XRN1: variants seen among roughly 807,000 people sequenced by gnomAD.
XRN1 encodes 5'-3' exoribonuclease 1.
A neutral mutation model predicts 222.3 loss-of-function variants in XRN1; 67 were observed. The observed-to-expected ratio is 0.30, with a 90% CI of 0.25 to 0.37. The LOEUF is 0.37. XRN1 is among the 10% of genes least tolerant of loss of function. The pLI, the probability that XRN1 is intolerant of heterozygous loss-of-function variation, is 1.00. For missense variants in XRN1, 1,707 were observed against 2,000.2 expected, an observed-to-expected ratio of 0.85 and a Z score of 2.80; for synonymous variants, 643 against 652.4, an observed-to-expected ratio of 0.99 and a Z score of 0.22.
intron 23 of XRN1, among the ~76,000 whole-genome samples, chr3:142,379,236 AC>A (rs1372358263): frequency 1.3e-5 from 2 of 152,190 alleles, no homozygotes; most frequent in Admixed American, 1.3e-4. Context: ...GTGCCACTGC[AC>A]TCCAGCCTGG....
chr3:142,320,967 C>T (rs2065337214), intron 37 of XRN1, among the ~76,000 whole-genome samples: 1 of 151,950 alleles, frequency 6.6e-6, no homozygotes, highest in Non-Finnish European at 1.5e-5. Context: ...TAGTTTTAGG[C>T]CTTATCTTAC....
In XRN1 at chr3:142,375,835, A is replaced by G. The variant is rs977856255; in HGVS notation, c.2941T>C (p.Ser981Pro). ...TCTGCCAGAAGTTGTTCTGCTGCAG[A>G]TGAATACATCCATTCACTTCCAACT... ...KKVGSEWMYS[S>P]AAEQLLAEYL... Residue 981 changes from serine (S) to proline (P), a missense_variant, in exon 25 of 41, where the codon TCT becomes CCT. Ser to Pro is a moderately conservative substitution (Grantham distance 74, BLOSUM62 -1). Coordinates refer to ENST00000392981, the MANE Select transcript of XRN1 (RefSeq NM_001282857.2). 1.9e-6 allele frequency: 3 copies of G among 1,613,936 alleles called. No homozygotes were observed. In the Admixed American group the frequency reaches 5.0e-5, roughly 27 times the overall value.
At chr3:142,441,838 C>A (rs1037934391) in intron 1 of XRN1, among the ~76,000 whole-genome samples, 12 of 152,182 alleles carry the variant, frequency 7.9e-5, no homozygotes, top group African/African-American at 2.9e-4. Context: ...AAACCTAAGC[C>A]GCTCGAGGGG....
chr3:142,371,483 G>T (rs1460167844), intron 25 of XRN1, among the ~76,000 whole-genome samples, 155 bp from the exon 26 acceptor site: 7 of 152,184 alleles, frequency 4.6e-5, no homozygotes, highest in Non-Finnish European at 5.9e-5. Flanking sequence ...GATAGAAAGT[G>T]TAAGACTGGT....
intron 36 of XRN1, among the ~76,000 whole-genome samples, chr3:142,330,501 G>A (rs184469425): frequency 1.3e-5 from 2 of 151,632 alleles, no homozygotes; most frequent in Non-Finnish European, 2.9e-5. Context: ...TAAAAAAGCA[G>A]TTAAGTGGCT....
At chr3:142,362,427 C>T (rs1312621381) in intron 29 of XRN1, among the ~76,000 whole-genome samples, 15 of 151,948 alleles carry the variant, frequency 9.9e-5, no homozygotes, top group Non-Finnish European at 1.5e-4. Flanking sequence ...TGAGCTACTG[C>T]GCCCGTCTCT....
At chr3:142,319,374 C>T (rs1429654964) in intron 37 of XRN1, among the ~76,000 whole-genome samples, 1 of 152,108 alleles carries the variant, frequency 6.6e-6, no homozygotes. Context: ...CCATCCTTTA[C>T]TTAGGAGATA....
intron 33 of XRN1, among the ~76,000 whole-genome samples, chr3:142,345,746 T>C (rs1283027172): frequency 1.3e-5 from 2 of 152,210 alleles, no homozygotes; most frequent in Non-Finnish European, 1.5e-5. Context: ...ACCAAGGATT[T>C]GAACTGACAT....
At chr3:142,408,675 T>C (rs1431172563) in intron 15 of XRN1, among the ~76,000 whole-genome samples, 3 of 152,240 alleles carry the variant, frequency 2.0e-5, no homozygotes, top group Non-Finnish European at 4.4e-5. Flanking sequence ...CAAAACATTT[T>C]TTAAACATAC....
Position 142,425,246 on chromosome 3 carries a change from ACAGTG to A in XRN1, c.598_602del (p.His200SerfsTer7). 6.3e-7 allele frequency: 1 copy of A among 1,595,920 alleles called. No homozygotes were observed. The highest frequency in any genetic ancestry group is 8.5e-7 in the Non-Finnish European group (1 of 1,172,164). Reference sequence around the variant, plus strand: ...CCAAGTCAGCATCTAAACCATAAAGACAGTGTCTGGTGTTTGGATCATGATCTGGC... The same window carrying A: ...CCAAGTCAGCATCTAAACCATAAAGATCTGGTGTTTGGATCATGATCTGGC... On this transcript the variant is annotated frameshift_variant, in exon 5 of 41. Transcript: ENST00000392981. LOFTEE classifies it high-confidence loss of function.
At chr3:142,344,050 A>C (rs548824655) in intron 33 of XRN1, among the ~76,000 whole-genome samples, 68 of 141,812 alleles carry the variant, frequency 4.8e-4, no homozygotes, top group African/African-American at 1.6e-3. Flanking sequence ...GACTGAACTC[A>C]TGAAAATAGA....
intron 20 of XRN1, among the ~76,000 whole-genome samples, chr3:142,394,732 G>T (rs2067866064): frequency 6.6e-6 from 1 of 152,036 alleles, no homozygotes; most frequent in Non-Finnish European, 1.5e-5. Context: ...CCTTCTCATT[G>T]TTTTTACACA....
rs1214713339 is a variant in XRN1, at chr3:142,427,604, ATATC to A, written c.309-767_309-764del. ...ATAAAAATGCAATTATAAAATTGAA[ATATC>A]TATCTTTGTGTTTCCTAAAAACATT... On this transcript the variant is annotated intron_variant, in intron 2 of 40. Transcript: ENST00000392981. Among the ~76,000 whole-genome samples, 29 of 152,336 alleles carry A rather than the reference ATATC, an allele frequency of 1.9e-4. No homozygotes were observed. In the South Asian group the frequency reaches 4.1e-3, roughly 22 times the overall value.
At chr3:142,388,292 TATA>T (rs1306672885) in intron 20 of XRN1, among the ~76,000 whole-genome samples, 3 of 152,240 alleles carry the variant, frequency 2.0e-5, no homozygotes, top group African/African-American at 4.8e-5. Context: ...CTTATGATTT[TATA>T]ATAACATTTT....
At chr3:142,416,391 C>T (rs1324514653) in intron 13 of XRN1, among the ~76,000 whole-genome samples, 1 of 152,102 alleles carries the variant, frequency 6.6e-6, no homozygotes, top group African/African-American at 2.4e-5. Context: ...CCATGTTGGC[C>T]AGGCTAGTCT....
intron 37 of XRN1, among the ~76,000 whole-genome samples, chr3:142,321,962 T>C (rs889465538): frequency 2.0e-5 from 3 of 152,196 alleles, no homozygotes; most frequent in African/African-American, 7.2e-5. Flanking sequence ...ATTTATTTAT[T>C]TTTCTTACTT....
At chr3:142,353,897 T>C (rs1192918843) in intron 32 of XRN1, among the ~76,000 whole-genome samples, 1 of 152,002 alleles carries the variant, frequency 6.6e-6, no homozygotes, top group Non-Finnish European at 1.5e-5. Context: ...AACTACAGAA[T>C]GGGAGAAAAT....
At position 142,312,714 on chromosome 3, in the gene XRN1, A is replaced by G. The variant is rs1400072009; in HGVS notation, c.4666T>C (p.Trp1556Arg). 1.2e-6 allele frequency: 2 copies of G among 1,613,756 alleles called. No homozygotes were observed. Among genetic ancestry groups the G allele is most frequent in the South Asian group, 2.2e-5 (2 of 91,048 alleles). The change falls in exon 40 of 41, where the codon TGG (tryptophan) becomes CGG (arginine). Residue 1556 changes from tryptophan (W) to arginine (R), a missense_variant. Trp to Arg is a moderately radical substitution (Grantham distance 101). This residue lies in a region of XRN1 where 473 missense variants were observed against 482.0 expected (regional missense o/e 0.98). Coordinates refer to ENST00000392981, the MANE Select transcript of XRN1 (RefSeq NM_001282857.2). The part of the protein sequence containing the change: ...SSSHLFGSMP[W>R]GPSVPVPGKP... ...CCAGGAACTGGCACCGATGGTCCCC[A>G]TGGCATTGAGCCAAAGAGATGAGAC...
At chr3:142,385,640 G>T (rs572654574) in intron 20 of XRN1, among the ~76,000 whole-genome samples, 2 of 152,192 alleles carry the variant, frequency 1.3e-5, no homozygotes, top group African/African-American at 2.4e-5. Context: ...TTTACTATTT[G>T]CCCTTTACAG....
Sources: allele counts gnomAD v4.1 joint callset (sites outside exome capture counted in the v4.1 genomes callset), GRCh38; gene constraint gnomAD v4.1.1; regional missense constraint gnomAD v4.1.1; transcripts MANE v1.5; gene names NCBI Gene and HGNC (gene_info 2026-07-23, HGNC 2026-07-21).